The following CACNA2D2 variants were observed in gnomAD, a reference collection of about 807,000 sequenced individuals.
CACNA2D2 encodes voltage-dependent calcium channel subunit alpha-2/delta-2.
CACNA2D2 carries 48 observed loss-of-function variants against 166.4 expected under a neutral mutation model. The observed-to-expected ratio is 0.29, with a 90% CI of 0.23 to 0.37. The LOEUF (loss-of-function observed/expected upper bound fraction) is 0.37. Ranked by LOEUF, CACNA2D2 falls within the 10% of genes least tolerant of loss-of-function variation. The pLI is 1.00. For missense variants in CACNA2D2, 1,122 were observed against 1,433.0 expected (o/e 0.78, Z 3.50); for synonymous variants, 561 against 573.7 (o/e 0.98, Z 0.32).
intron 2 of CACNA2D2, among the ~76,000 whole-genome samples, chr3:50,437,223 C>T (rs1708392258): frequency 6.6e-6 from 1 of 152,186 alleles, no homozygotes; most frequent in East Asian, 1.9e-4. Context: ...TTCTGCCGAC[C>T]CTGGTCTGGG....
At chr3:50,476,581 G>A (rs984933736) in intron 1 of CACNA2D2, among the ~76,000 whole-genome samples, 1 of 152,244 alleles carries the variant, frequency 6.6e-6, no homozygotes. Context: ...GAGCCTCAGG[G>A]AGTGAGGTCT....
chr3:50,469,623 T>C (rs1189202270), intron 2 of CACNA2D2, among the ~76,000 whole-genome samples: 1 of 152,144 alleles, frequency 6.6e-6, no homozygotes, highest in Non-Finnish European at 1.5e-5. Flanking sequence ...GATCTTCACA[T>C]ACCCTGTGAG....
chr3:50,434,730 A>G (rs1708230388), intron 2 of CACNA2D2, among the ~76,000 whole-genome samples: 1 of 152,192 alleles, frequency 6.6e-6, no homozygotes, highest in Non-Finnish European at 1.5e-5. Context: ...TTTCAGGGTC[A>G]TGAGCAGCCC....
chr3:50,402,173 C>T (rs1476306440), intron 3 of CACNA2D2, among the ~76,000 whole-genome samples: 5 of 152,182 alleles, frequency 3.3e-5, no homozygotes, highest in South Asian at 4.1e-4. Flanking sequence ...AGAAAGAGGT[C>T]GGGTGTGTCC....
chr3:50,365,965 C>T lies in CACNA2D2; in HGVS notation c.2862+46G>A. On this transcript the variant is annotated intron_variant, in intron 32 of 37. Transcript: ENST00000424201. The surrounding 1 kb of genome is among the most constrained non-coding windows in gnomAD (Gnocchi z 4.5). ...GGTAGGGGGTCATCTGTGGGCAGGT[C>T]TCCCAGTCCCCCCCATCTCCAGTCC... 6.2e-7 allele frequency: 1 copy of T among 1,610,652 alleles called. No homozygotes were observed. Among genetic ancestry groups the T allele is most frequent in the Non-Finnish European group, 8.5e-7 (1 of 1,178,428 alleles).
Position 50,377,774 on chromosome 3 carries a change from G to A in CACNA2D2, c.1509C>T (p.Leu503=). 6.2e-7 allele frequency: 1 copy of A among 1,613,386 alleles called. No individual in the cohort carries two copies. The highest frequency in any genetic ancestry group is 8.5e-7 in the Non-Finnish European group (1 of 1,179,854). ...CATCCTGTGTCAGGTTGAAAACAGG[G>A]AGGGTCCCTGTTACCACCAACCCCA... The part of the protein sequence containing the change: ...LGLGLVVTGT[L]PVFNLTQDGP... Residue 503 remains leucine (L), a synonymous_variant, in exon 16 of 38, where the codon CTC becomes CTT. Transcript: ENST00000424201.
chr3:50,464,193 TC>T (rs1205099315), intron 2 of CACNA2D2, among the ~76,000 whole-genome samples: 1 of 152,222 alleles, frequency 6.6e-6, no homozygotes, highest in Non-Finnish European at 1.5e-5. Context: ...TATTCACCTT[TC>T]TACATCCCAC....
In CACNA2D2 at chr3:50,381,119, G is replaced by A. The variant is rs1474531388; in HGVS notation, c.660C>T (p.Val220=). 5 of 1,613,458 alleles carry A rather than the reference G, an allele frequency of 3.1e-6. No individual in the cohort carries two copies. In the Admixed American group the frequency reaches 5.0e-5, roughly 16 times the overall value. The change falls in exon 7 of 38, where the codon GTC becomes GTT. Residue 220 remains valine (V), a synonymous_variant. Coordinates refer to ENST00000424201, the MANE Select transcript of CACNA2D2 (RefSeq NM_006030.4). ...CTGTCCAGTTGAGCTCATTGAGGAT[G>A]ACAGTGGCTGGGGGGAAGCGGGGAG... ...IPTDIYKGST[V]ILNELNWTEA... is the part of the protein sequence containing the mutation.
chr3:50,459,361 C>A (rs756647699), intron 2 of CACNA2D2, among the ~76,000 whole-genome samples: 5 of 152,056 alleles, frequency 3.3e-5, no homozygotes, highest in Non-Finnish European at 5.9e-5. Context: ...ATAGATGAAG[C>A]ACAGATGGGT....
At chr3:50,454,157 C>A (rs1212314216) in intron 2 of CACNA2D2, among the ~76,000 whole-genome samples, 1 of 152,238 alleles carries the variant, frequency 6.6e-6, no homozygotes, top group Non-Finnish European at 1.5e-5. Context: ...CCCACAGGCA[C>A]CAGAGCTGCC....
chr3:50,497,466 C>G (rs904769155), intron 1 of CACNA2D2, among the ~76,000 whole-genome samples: 1 of 152,200 alleles, frequency 6.6e-6, no homozygotes, highest in African/African-American at 2.4e-5. Context: ...CCTCACCAGG[C>G]TCAGTCACGG....
At chr3:50,397,179 T>C (rs920278283) in intron 3 of CACNA2D2, among the ~76,000 whole-genome samples, 45 of 152,234 alleles carry the variant, frequency 3.0e-4, no homozygotes, top group African/African-American at 1.1e-3. Flanking sequence ...TGGAATCCCA[T>C]GGGCTCAAAG....
At chr3:50,469,655 T>C (rs1041972847) in intron 2 of CACNA2D2, among the ~76,000 whole-genome samples, 2 of 152,170 alleles carry the variant, frequency 1.3e-5, no homozygotes, top group African/African-American at 4.8e-5. Context: ...TGGATCCCCA[T>C]TTCCCAGGTG....
intron 4 of CACNA2D2, among the ~76,000 whole-genome samples, chr3:50,391,960 G>A (rs1051388717): frequency 6.6e-6 from 1 of 152,196 alleles, no homozygotes; most frequent in Non-Finnish European, 1.5e-5. Context: ...AGAAAAGGGA[G>A]TCCTGGGCAG....
chr3:50,417,908 C>G (rs147645146), intron 3 of CACNA2D2, among the ~76,000 whole-genome samples: 1 of 152,118 alleles, frequency 6.6e-6, no homozygotes, highest in African/African-American at 2.4e-5. Flanking sequence ...TTAGTGTGTA[C>G]GTGGGGAATG....
intron 2 of CACNA2D2, among the ~76,000 whole-genome samples, chr3:50,452,035 T>C (rs1709125717): frequency 6.6e-6 from 1 of 152,066 alleles, no homozygotes; most frequent in Admixed American, 6.5e-5. Flanking sequence ...CCTCATCCCC[T>C]CACTGCCAAG....
At chr3:50,417,395 C>T (rs1311763757) in intron 3 of CACNA2D2, among the ~76,000 whole-genome samples, 1 of 152,248 alleles carries the variant, frequency 6.6e-6, no homozygotes, top group Admixed American at 6.5e-5. Flanking sequence ...GCCCTGCAAC[C>T]CTTGCTTGTG....
chr3:50,365,825 G>A lies in CACNA2D2; in HGVS notation c.2900C>T (p.Thr967Ile). 6.2e-7 allele frequency: 1 copy of A among 1,613,494 alleles called. No individual in the cohort carries two copies. Among genetic ancestry groups the A allele is most frequent in the Non-Finnish European group, 8.5e-7 (1 of 1,180,026 alleles). ...CAGGACTCACCAGGCGGCAGCAGAG[G>A]TCCACCAGGCCAGGTTAAGGAAATC... ...VADFLNLAWW[T>I]SAAAWSLFQQ... is the part of the protein sequence containing the mutation. The change falls in exon 33 of 38, where the codon ACC (threonine) becomes ATC (isoleucine). Residue 967 changes from threonine to isoleucine, a missense_variant. Thr to Ile is a moderately conservative substitution (Grantham distance 89, BLOSUM62 -1). Transcript: ENST00000424201. This position sits in a 1 kb window ranked among gnomAD's most constrained non-coding sequence, Gnocchi z 4.5.
At chr3:50,442,100 G>C (rs1205766498) in intron 2 of CACNA2D2, among the ~76,000 whole-genome samples, 1 of 152,242 alleles carries the variant, frequency 6.6e-6, no homozygotes, top group Non-Finnish European at 1.5e-5. Context: ...CTTGCAGTCT[G>C]TGACTTTATC....
Sources: allele counts gnomAD v4.1 joint callset (sites outside exome capture counted in the v4.1 genomes callset), GRCh38; gene constraint gnomAD v4.1.1; non-coding constraint Gnocchi (gnomAD v3.1); transcripts MANE v1.5; gene names NCBI Gene and HGNC (gene_info 2026-07-23, HGNC 2026-07-21).